RAET1L: variants seen among roughly 807,000 people sequenced by gnomAD.
RAET1L encodes the protein UL16-binding protein 6.
RAET1L carries 16 observed loss-of-function variants against 23.9 expected under a neutral mutation model. That is an observed-to-expected ratio of 0.67 (90% CI 0.45 to 1.02). RAET1L has a LOEUF of 1.02. RAET1L is among the 50% of genes least tolerant of loss of function. The pLI, the probability that RAET1L is intolerant of heterozygous loss-of-function variation, is 0.00. For missense variants in RAET1L, 233 were observed against 304.0 expected (o/e 0.77, Z 1.74); for synonymous variants, 70 against 111.2 (o/e 0.63, Z 2.33).
At position 150,024,871 on chromosome 6, in the gene RAET1L, G is replaced by A. The variant is rs528649507; in HGVS notation, c.85+516C>T. 4.6e-5 allele frequency among the ~76,000 whole-genome samples: 7 copies of A among 152,240 alleles called. No individual in the cohort carries two copies. In the South Asian group the frequency reaches 1.5e-3, roughly 32 times the overall value. On this transcript the variant is annotated intron_variant, in intron 1 of 4. Transcript: ENST00000367341. ...GTGGCGGGTATCTGCTGAGCCCCTG[G>A]GTGCAGGTGAGTGTCTACAGGAAAA...
intron 1 of RAET1L, 63 bp downstream of exon 1, chr6:150,025,324 G>T (rs181884687): frequency 2.9e-6 from 4 of 1,398,740 alleles, no homozygotes; most frequent in Non-Finnish European, 4.0e-6. Context: ...TCTGAAACCC[G>T]CTGCAGTCCA....
chr6:150,021,872 G>T, intron 2 of RAET1L, 108 bp downstream of exon 2: 4 of 1,312,620 alleles, frequency 3.0e-6, no homozygotes, highest in South Asian at 1.3e-5. Context: ...GACTACAGGC[G>T]TGAGCCACCG....
chr6:150,021,870 G>A, intron 2 of RAET1L, 110 bp downstream of exon 2: 4 of 1,301,748 alleles, frequency 3.1e-6, no homozygotes, highest in Non-Finnish European at 4.4e-6. Flanking sequence ...GGGACTACAG[G>A]CGTGAGCCAC....
chr6:150,020,709 G>A (rs1003060633), intron 3 of RAET1L, among the ~76,000 whole-genome samples, 196 bp downstream of exon 3: 1 of 152,166 alleles, frequency 6.6e-6, no homozygotes, highest in African/African-American at 2.4e-5. Context: ...GTGAGGAATA[G>A]GAGTCAGGAG....
chr6:150,024,022 G>A (rs538858890), intron 1 of RAET1L, among the ~76,000 whole-genome samples: 2 of 152,274 alleles, frequency 1.3e-5, no homozygotes, highest in South Asian at 2.1e-4. Flanking sequence ...GGCAGGAGCA[G>A]GGCCACCGGG....
rs368345938 is a variant in RAET1L at position 150,020,297 on chromosome 6, C to G, written c.632-58G>C. 42 of 1,414,766 alleles carry G rather than the reference C, an allele frequency of 3.0e-5. No homozygotes were observed. The African/African-American group carries it at 5.4e-4, about 18-fold the overall frequency. 87.6% of individuals were successfully genotyped at this position (1,414,766 alleles called of 1,614,324 possible). ...TCCAGGCCCCAAATCTGAGGAGACA[C>G]CTCCTCAGTTCCTGCCACCCTAGGT... On this transcript the variant is annotated intron_variant, in intron 3 of 4. Coordinates refer to ENST00000367341, the MANE Select transcript of RAET1L (RefSeq NM_130900.3).
At chr6:150,023,695 T>G (rs935849341) in intron 1 of RAET1L, among the ~76,000 whole-genome samples, 1 of 152,166 alleles carries the variant, frequency 6.6e-6, no homozygotes, top group Admixed American at 6.5e-5. Context: ...TAGAGGTACA[T>G]GTGGTCACAA....
At position 150,018,776 on chromosome 6, in the gene RAET1L, G is replaced by A; in HGVS notation, c.*102C>T. ...TGGAGGCTGCTGGACATACACCGTA[G>A]GTGGTGGGCAGCTGGCCAGACAGAA... On this transcript the variant is annotated 3_prime_UTR_variant, in exon 5 of 5. Coordinates refer to ENST00000367341, the MANE Select transcript of RAET1L (RefSeq NM_130900.3). The A allele has an allele frequency of 3.8e-6, 1 of 261,048 alleles. No homozygotes were observed. The highest frequency in any genetic ancestry group is 1.4e-4 in the East Asian group (1 of 6,998). The allele number at this position is 261,048 out of a possible 1,614,324, so 16.2% of individuals were successfully genotyped here.
chr6:150,025,415 C>A lies in RAET1L; in HGVS notation c.57G>T (p.Leu19=). The A allele has an allele frequency of 1.9e-6, 3 of 1,614,060 alleles. No homozygotes were observed. The highest frequency in any genetic ancestry group is 2.5e-6 in the Non-Finnish European group (3 of 1,179,920). ...CTCGCCTAGCCCGGGACCAGCCGAA[C>A]AGCAGGAACAGAAGCGGGAGGCACA... ...LLLCLPLLFL[L]FGWSRARRDD... Residue 19 remains leucine, a synonymous_variant, in exon 1 of 5, where the codon CTG becomes CTT. Coordinates refer to ENST00000367341, the MANE Select transcript of RAET1L (RefSeq NM_130900.3).
chr6:150,025,382 C>T lies in RAET1L; in HGVS notation c.85+5G>A, dbSNP rs1432661291. ...GCCCCGCTTAGGCTCCATCCACCAGCTCACCGTCTCGCCTAGCCCGGGACC... is the reference window on the plus strand; with the variant it reads ...GCCCCGCTTAGGCTCCATCCACCAGTTCACCGTCTCGCCTAGCCCGGGACC... On this transcript the variant is annotated splice_donor_5th_base_variant and intron_variant, in intron 1 of 4. Transcript: ENST00000367341. 30 of 1,612,822 alleles carry T rather than the reference C, an allele frequency of 1.9e-5. No individual in the cohort carries two copies. The highest frequency in any genetic ancestry group is 2.5e-5 in the Non-Finnish European group (30 of 1,179,128).
intron 4 of RAET1L, among the ~76,000 whole-genome samples, chr6:150,019,287 G>A (rs762521818): frequency 3.3e-5 from 5 of 152,140 alleles, no homozygotes; most frequent in African/African-American, 4.8e-5. Flanking sequence ...CCTCACACTG[G>A]GAGCAGCACC....
intron 1 of RAET1L, among the ~76,000 whole-genome samples, chr6:150,023,428 T>G (rs1297371748): frequency 6.6e-6 from 1 of 151,936 alleles, no homozygotes; most frequent in Non-Finnish European, 1.5e-5. Flanking sequence ...GACACCAGTT[T>G]CTAGTGAGGA....
chr6:150,023,812 T>TG (rs1185487100), intron 1 of RAET1L, among the ~76,000 whole-genome samples: 2 of 151,886 alleles, frequency 1.3e-5, no homozygotes, highest in African/African-American at 2.4e-5. Context: ...TCCTGTAGAG[T>TG]ACTGCACCTT....
chr6:150,025,267 G>T (rs1241753500), intron 1 of RAET1L, 120 bp downstream of exon 1: 2 of 775,516 alleles, frequency 2.6e-6, no homozygotes, highest in Admixed American at 2.6e-5. Context: ...TGAGCTGGGG[G>T]CGCAGTTCGG....
intron 1 of RAET1L, among the ~76,000 whole-genome samples, chr6:150,022,838 C>T (rs921038461): frequency 1.6e-4 from 15 of 92,704 alleles, no homozygotes; most frequent in Non-Finnish European, 3.4e-4. Context: ...AAGTCTAAGG[C>T]AGGTAGTGGA....
intron 2 of RAET1L, among the ~76,000 whole-genome samples, chr6:150,021,744 C>T (rs368868704): frequency 8.2e-4 from 124 of 151,450 alleles, no homozygotes; most frequent in Non-Finnish European, 1.6e-3. Flanking sequence ...TACAGGCATG[C>T]GCCACCATGC....
At chr6:150,024,386 G>A (rs1562509743) in intron 1 of RAET1L, among the ~76,000 whole-genome samples, 1 of 152,194 alleles carries the variant, frequency 6.6e-6, no homozygotes, top group African/African-American at 2.4e-5. Flanking sequence ...CCTCTTTGAA[G>A]GTTGCCATTG....
At chr6:150,020,380 C>T in intron 3 of RAET1L, 141 bp from the exon 4 acceptor site, 1 of 1,501,094 alleles carries the variant, frequency 6.7e-7, no homozygotes, top group Non-Finnish European at 9.1e-7. Context: ...GCCAGTATGA[C>T]AGGTCCTGGC....
In RAET1L at chr6:150,020,950, C is replaced by T. The variant is rs781526221; in HGVS notation, c.586G>A (p.Asp196Asn). 1.7e-5 allele frequency: 27 copies of T among 1,614,078 alleles called. No individual in the cohort carries two copies. Among genetic ancestry groups the T allele is most frequent in the Non-Finnish European group, 2.0e-5 (24 of 1,180,052 alleles). Reference protein sequence around the residue: ...SMGDCIGWLEDFLMGMDSTLE... With the variant: ...SMGDCIGWLENFLMGMDSTLE... The stretch of plus-strand genomic sequence containing the variant: ...GTGCTGTCCATGCCCATCAAGAAGT[C>T]CTCAAGCCATCCTATGCAGTCTCCC... The change falls in exon 3 of 5, where the codon GAC becomes AAC. Residue 196 changes from aspartate to asparagine, a missense_variant. Physicochemically the swap from Asp to Asn is conservative, Grantham distance 23. Transcript: ENST00000367341.
Sources: gnomAD v4.1 joint callset for allele counts (sites outside exome capture counted in the v4.1 genomes callset) on GRCh38, gnomAD v4.1.1 for gene constraint, MANE v1.5 for transcripts, NCBI Gene and HGNC (gene_info 2026-07-23, HGNC 2026-07-21) for gene names.